The following EYS variants were observed in gnomAD, a reference collection of about 807,000 sequenced individuals.
EYS encodes EGF-like photoreceptor maintenance factor, also known as protein eyes shut homolog.
Under a neutral mutation model 282.1 loss-of-function variants are expected in EYS, and 250 were observed. The ratio of observed to expected loss-of-function variants is 0.89; its 90% confidence interval spans 0.80 to 0.98. EYS has a LOEUF of 0.98. EYS is among the 50% of genes least tolerant of loss of function. The pLI is 0.00. For synonymous variants in EYS, 1,355 were observed against 1,282.9 expected, an observed-to-expected ratio of 1.06 and a Z score of -1.20; for missense variants, 4,016 against 3,709.0, an observed-to-expected ratio of 1.08 and a Z score of -2.15.
At chr6:64,399,810 C>G (rs1773488879) in intron 28 of EYS, among the ~76,000 whole-genome samples, 1 of 151,816 alleles carries the variant, frequency 6.6e-6, no homozygotes, top group African/African-American at 2.4e-5. Flanking sequence ...AAAAATATCT[C>G]TTATATTTTC....
At chr6:64,074,198 A>G (rs2149861999) in intron 32 of EYS, among the ~76,000 whole-genome samples, 1 of 151,866 alleles carries the variant, frequency 6.6e-6, no homozygotes, top group African/African-American at 2.4e-5. Flanking sequence ...TTTGTTAAGC[A>G]TAAAAGTGCT....
rs560574322 is a variant in EYS at position 65,291,300 on chromosome 6, G to A, written c.2023+4563C>T. ...GTCAAAACCATAATGATTAATAATT[G>A]GCATAGTGAATGTGTAAACCAAATG... On this transcript the variant is annotated intron_variant, in intron 12 of 42. Coordinates refer to ENST00000503581, the MANE Select transcript of EYS (RefSeq NM_001142800.2). Among the ~76,000 whole-genome samples the A allele has an allele frequency of 5.0e-4, 75 of 151,490 alleles. 1 individual carries two copies. Among genetic ancestry groups the A allele is most frequent in the African/African-American group, 1.8e-3 (73 of 41,452 alleles).
At chr6:64,590,107 T>TG (rs1766356141) in intron 26 of EYS, 116 bp downstream of exon 26, 1 of 854,192 alleles carries the variant, frequency 1.2e-6, no homozygotes, top group Non-Finnish European at 1.8e-6. Flanking sequence ...AACTGGCTGC[T>TG]GCCCTGATTA....
intron 39 of EYS, among the ~76,000 whole-genome samples, chr6:63,780,866 G>T (rs1228136205): frequency 6.6e-6 from 1 of 152,168 alleles, no homozygotes; most frequent in Non-Finnish European, 1.5e-5. Flanking sequence ...TTCTTCTAGG[G>T]TTTTTATGGT....
chr6:63,953,161 C>CA (rs1341169867), intron 35 of EYS, among the ~76,000 whole-genome samples: 1 of 152,280 alleles, frequency 6.6e-6, no homozygotes, highest in African/African-American at 2.4e-5. Context: ...CTGCACCCCT[C>CA]ATCCCAGCCT....
At chr6:64,255,253 A>G (rs1767352471) in intron 30 of EYS, among the ~76,000 whole-genome samples, 1 of 152,034 alleles carries the variant, frequency 6.6e-6, no homozygotes, top group Admixed American at 6.6e-5. Flanking sequence ...CAGTCTTGCA[A>G]AAAACTTAAA....
intron 2 of EYS, among the ~76,000 whole-genome samples, chr6:65,567,923 A>G (rs2127350002): frequency 6.6e-6 from 1 of 152,230 alleles, no homozygotes; most frequent in East Asian, 1.9e-4. Flanking sequence ...ACATTTTGAC[A>G]TGCTGAACTG....
intron 29 of EYS, among the ~76,000 whole-genome samples, chr6:64,369,869 A>G (rs1207204596): frequency 6.6e-6 from 1 of 152,052 alleles, no homozygotes; most frequent in Non-Finnish European, 1.5e-5. Context: ...TGATTTTTGT[A>G]CATTGATTTT....
chr6:64,182,123 T>C (rs1722292627), intron 31 of EYS, among the ~76,000 whole-genome samples: 1 of 152,160 alleles, frequency 6.6e-6, no homozygotes, highest in Admixed American at 6.6e-5. Flanking sequence ...AAAATTGCTT[T>C]TCTTTAAAAT....
chr6:63,866,348 T>C (rs189369633), intron 35 of EYS, among the ~76,000 whole-genome samples: 7 of 152,296 alleles, frequency 4.6e-5, no homozygotes, highest in Admixed American at 4.6e-4. Flanking sequence ...TAAGCATTTG[T>C]ATTCTGGGAT....
At chr6:64,057,917 A>G (rs3003681) in intron 33 of EYS, among the ~76,000 whole-genome samples, 18,040 of 152,074 alleles carry the variant, frequency 0.12, 2,133 homozygotes, top group African/African-American at 0.31. Context: ...CTGCAGCCTC[A>G]ACCTCCCAGG....
At chr6:63,922,087 A>G (rs1409405922) in intron 35 of EYS, among the ~76,000 whole-genome samples, 2 of 152,198 alleles carry the variant, frequency 1.3e-5, no homozygotes, top group Non-Finnish European at 2.9e-5. Flanking sequence ...CTGTAAAACA[A>G]GAAGAGAGTC....
intron 12 of EYS, among the ~76,000 whole-genome samples, chr6:65,233,060 AT>A (rs1478460527): frequency 2.0e-5 from 3 of 152,132 alleles, no homozygotes; most frequent in Admixed American, 6.6e-5. Context: ...TCCATTTGAT[AT>A]GAAATTGTCA....
chr6:64,007,358 G>A (rs1394915615), intron 33 of EYS, among the ~76,000 whole-genome samples: 3 of 150,836 alleles, frequency 2.0e-5, no homozygotes, highest in Non-Finnish European at 4.4e-5. Context: ...TGTTATCTCT[G>A]ATTGTGTTTG....
chr6:65,558,536 G>A (rs1411853), intron 2 of EYS, among the ~76,000 whole-genome samples: 32,261 of 152,004 alleles, frequency 0.21, 3,797 homozygotes, highest in East Asian at 0.31. Context: ...GGGAACACTG[G>A]GCAGCCCCTG....
chr6:65,197,516 G>A (rs1325084528), intron 12 of EYS, among the ~76,000 whole-genome samples: 2 of 152,036 alleles, frequency 1.3e-5, no homozygotes, highest in Non-Finnish European at 2.9e-5. Context: ...GAGAGGTGGA[G>A]GCAAGATCAT....
chr6:65,487,284 C>T (rs71492561), intron 5 of EYS, among the ~76,000 whole-genome samples: 1 of 152,130 alleles, frequency 6.6e-6, no homozygotes, highest in Non-Finnish European at 1.5e-5. Flanking sequence ...AGTTTTTGCC[C>T]ATTCAGTATG....
chr6:64,392,569 T>C (rs1347369401), intron 28 of EYS, among the ~76,000 whole-genome samples: 2 of 151,830 alleles, frequency 1.3e-5, no homozygotes, highest in Admixed American at 6.6e-5. Context: ...AAGATGTTCT[T>C]TGAAACCAAT....
chr6:64,453,490 T>A (rs78743571), intron 26 of EYS, among the ~76,000 whole-genome samples: 42,163 of 152,020 alleles, frequency 0.28, 5,985 homozygotes, highest in East Asian at 0.46. Flanking sequence ...CATTTGACCC[T>A]GCCATCCCAT....
Sources: allele counts gnomAD v4.1 joint callset (sites outside exome capture counted in the v4.1 genomes callset), GRCh38; gene constraint gnomAD v4.1.1; transcripts MANE v1.5; gene names NCBI Gene and HGNC (gene_info 2026-07-23, HGNC 2026-07-21).